The following SPTLC2 variants were observed in gnomAD, a reference collection of about 807,000 sequenced individuals.
SPTLC2 encodes serine palmitoyltransferase 2.
Under a neutral mutation model 62.0 loss-of-function variants are expected in SPTLC2, and 21 were observed. That is an observed-to-expected ratio of 0.34 (90% confidence interval 0.24 to 0.49). The LOEUF is 0.49. SPTLC2 is among the 20% of genes least tolerant of loss of function. The pLI is 0.99. For synonymous variants in SPTLC2, 261 were observed against 261.8 expected, an observed-to-expected ratio of 1.00 and a Z score of 0.03; for missense variants, 511 against 713.0, an observed-to-expected ratio of 0.72 and a Z score of 3.23.
chr14:77,585,356 A>C (rs915073313), intron 2 of SPTLC2, among the ~76,000 whole-genome samples: 2 of 152,218 alleles, frequency 1.3e-5, no homozygotes, highest in Non-Finnish European at 2.9e-5. Flanking sequence ...ACAAAGCCAA[A>C]ACTGAGACTA....
At chr14:77,549,341 G>C (rs928563878) in intron 9 of SPTLC2, among the ~76,000 whole-genome samples, 4 of 152,100 alleles carry the variant, frequency 2.6e-5, no homozygotes, top group African/African-American at 9.7e-5. Context: ...GTTAACAACA[G>C]GTCAGAAAAG....
intron 9 of SPTLC2, among the ~76,000 whole-genome samples, chr14:77,545,910 C>T (rs1471459339): frequency 6.6e-6 from 1 of 152,138 alleles, no homozygotes; most frequent in Admixed American, 6.5e-5. Context: ...AAAAAATAGA[C>T]ACACCATGTT....
At chr14:77,553,524 G>A (rs538653468) in intron 8 of SPTLC2, among the ~76,000 whole-genome samples, 1 of 152,132 alleles carries the variant, frequency 6.6e-6, no homozygotes, top group East Asian at 1.9e-4. Context: ...GAGGTCAAGA[G>A]ATCGAGACCA....
At chr14:77,527,291 C>T (rs142667328) in intron 9 of SPTLC2, among the ~76,000 whole-genome samples, 114 of 151,946 alleles carry the variant, frequency 7.5e-4, no homozygotes, top group African/African-American at 2.5e-3. Flanking sequence ...AGAGACAGGG[C>T]TTCACTTTGT....
At chr14:77,586,696 CTAAAAACCACTTA>C (rs1266226029) in intron 2 of SPTLC2, among the ~76,000 whole-genome samples, 1 of 152,116 alleles carries the variant, frequency 6.6e-6, no homozygotes, top group Non-Finnish European at 1.5e-5. Flanking sequence ...TAAATATTTC[CTAAAAACCACTTA>C]GAAAAATACA....
intron 9 of SPTLC2, among the ~76,000 whole-genome samples, chr14:77,534,588 T>TATACACACACACACACACAC (rs1555373988): frequency 1.4e-5 from 2 of 141,128 alleles, no homozygotes; most frequent in African/African-American, 2.7e-5. Flanking sequence ...CATATTTCAG[T>TATACACACACACACACACAC]ACACACACAC....
chr14:77,546,499 A>G (rs2140012882), intron 9 of SPTLC2, among the ~76,000 whole-genome samples: 1 of 152,294 alleles, frequency 6.6e-6, no homozygotes, highest in South Asian at 2.1e-4. Flanking sequence ...GAGTGAGTGA[A>G]GGAGGAGGTT....
intron 11 of SPTLC2, among the ~76,000 whole-genome samples, chr14:77,514,744 CTAGTTT>C (rs1181856745): frequency 1.3e-5 from 2 of 152,200 alleles, no homozygotes; most frequent in Non-Finnish European, 2.9e-5. Context: ...TTGTCACTAT[CTAGTTT>C]TAGAGTATTT....
chr14:77,518,892 G>T (rs2079371916), intron 10 of SPTLC2, among the ~76,000 whole-genome samples: 1 of 152,216 alleles, frequency 6.6e-6, no homozygotes, highest in Non-Finnish European at 1.5e-5. Flanking sequence ...CAGTTCACCC[G>T]CTGGCTTCAG....
At chr14:77,522,832 A>T (rs764810915) in intron 9 of SPTLC2, among the ~76,000 whole-genome samples, 2 of 152,260 alleles carry the variant, frequency 1.3e-5, no homozygotes, top group Non-Finnish European at 2.9e-5. Flanking sequence ...AAGTCCAAGC[A>T]TGATACATGA....
intron 2 of SPTLC2, among the ~76,000 whole-genome samples, chr14:77,586,183 C>T (rs576422525): frequency 6.7e-6 from 1 of 149,694 alleles, no homozygotes; most frequent in East Asian, 2.0e-4. Flanking sequence ...TCAAGCAATT[C>T]TCGTACCTCA....
At chr14:77,565,534 T>C (rs939457566) in intron 5 of SPTLC2, among the ~76,000 whole-genome samples, 5 of 152,172 alleles carry the variant, frequency 3.3e-5, no homozygotes, top group Non-Finnish European at 7.4e-5. Context: ...ACTTCTGTGG[T>C]AGCTTTCTCA....
At position 77,579,126 on chromosome 14, in the gene SPTLC2, A is replaced by G. The variant is rs200794836; in HGVS notation, c.328-17T>C. ...CACAAAGTCCTGCCAAGAAATGGTG[A>G]CATACCATAAATTTAACTGAGTTAC... On this transcript the variant is annotated splice_polypyrimidine_tract_variant and intron_variant, in intron 2 of 11. Coordinates refer to ENST00000216484, the MANE Select transcript of SPTLC2 (RefSeq NM_004863.4). 219 of 1,613,770 alleles carry G rather than the reference A, an allele frequency of 1.4e-4. No homozygotes were observed. The highest frequency in any genetic ancestry group is 1.8e-4 in the Non-Finnish European group (210 of 1,179,806).
intron 8 of SPTLC2, among the ~76,000 whole-genome samples, chr14:77,552,787 C>T (rs997982364): frequency 2.3e-5 from 3 of 128,600 alleles, no homozygotes; most frequent in African/African-American, 8.9e-5. Flanking sequence ...GCCTGGGGGA[C>T]AGAGTGAGAC....
At chr14:77,615,934 C>G (rs1007880931) in intron 1 of SPTLC2, among the ~76,000 whole-genome samples, 5 of 152,172 alleles carry the variant, frequency 3.3e-5, no homozygotes, top group Non-Finnish European at 5.9e-5. Context: ...GGGGACTGAA[C>G]GTGGTAGTCC....
intron 7 of SPTLC2, among the ~76,000 whole-genome samples, chr14:77,556,503 T>C (rs1287600142): frequency 6.6e-6 from 1 of 151,924 alleles, no homozygotes; most frequent in Non-Finnish European, 1.5e-5. Flanking sequence ...AATTAGGTGG[T>C]AAAAATACGT....
chr14:77,526,310 T>C (rs1272014067), intron 9 of SPTLC2, among the ~76,000 whole-genome samples: 1 of 152,230 alleles, frequency 6.6e-6, no homozygotes, highest in Non-Finnish European at 1.5e-5. Context: ...GTATCTGGTC[T>C]AATACAGACT....
intron 2 of SPTLC2, among the ~76,000 whole-genome samples, chr14:77,584,997 T>C (rs1482314672): frequency 6.6e-6 from 1 of 152,204 alleles, no homozygotes; most frequent in Non-Finnish European, 1.5e-5. Context: ...CGCGATTCTA[T>C]GTGCCACTGC....
At chr14:77,523,802 A>G (rs905968465) in intron 9 of SPTLC2, among the ~76,000 whole-genome samples, 3 of 152,216 alleles carry the variant, frequency 2.0e-5, no homozygotes, top group African/African-American at 7.2e-5. Flanking sequence ...CCTTAAAAGC[A>G]AGCTTTGAAA....
Sources: gnomAD v4.1 joint callset for allele counts (sites outside exome capture counted in the v4.1 genomes callset) on GRCh38, gnomAD v4.1.1 for gene constraint, MANE v1.5 for transcripts, NCBI Gene and HGNC (gene_info 2026-07-23, HGNC 2026-07-21) for gene names.